The following PTPRD variants were observed in gnomAD, a reference collection of about 807,000 sequenced individuals.
PTPRD encodes receptor-type tyrosine-protein phosphatase delta.
A neutral mutation model predicts 214.5 loss-of-function variants in PTPRD; 34 were observed. That is an observed-to-expected ratio of 0.16 (90% CI 0.12 to 0.21). The LOEUF (loss-of-function observed/expected upper bound fraction) is 0.21. PTPRD is among the 10% of genes least tolerant of loss of function. PTPRD has a pLI of 1.00. For missense variants in PTPRD, 2,545 were observed against 2,398.7 expected (o/e 1.06, Z -1.27); for synonymous variants, 1,128 against 845.7 (o/e 1.33, Z -5.79).
intron 10 of PTPRD, among the ~76,000 whole-genome samples, chr9:9,082,651 C>A (rs537453268): frequency 7.2e-5 from 11 of 152,040 alleles, no homozygotes; most frequent in Admixed American, 7.2e-4. Flanking sequence ...TTTAGAAAAC[C>A]CCATCGTATC....
intron 9 of PTPRD, among the ~76,000 whole-genome samples, chr9:9,288,804 G>A (rs1397519050): frequency 1.3e-5 from 2 of 151,938 alleles, no homozygotes; most frequent in African/African-American, 4.8e-5. Flanking sequence ...TAATCATGGG[G>A]GCAGTTACCC....
chr9:9,419,503 G>A (rs1225844980), intron 8 of PTPRD, among the ~76,000 whole-genome samples: 2 of 151,770 alleles, frequency 1.3e-5, no homozygotes, highest in Non-Finnish European at 3.0e-5. Context: ...GGTCCATGAT[G>A]TTGGGAAGGT....
chr9:8,932,020 ATTT>A (rs2098956417), intron 11 of PTPRD, among the ~76,000 whole-genome samples: 1 of 151,964 alleles, frequency 6.6e-6, no homozygotes. Context: ...CTCCTTTATA[ATTT>A]TTTAGTGTGT....
chr9:9,124,691 G>T (rs1322277148), intron 10 of PTPRD, among the ~76,000 whole-genome samples: 1 of 151,992 alleles, frequency 6.6e-6, no homozygotes, highest in Admixed American at 6.6e-5. Flanking sequence ...ATTTCTTTTT[G>T]ACCTCAAATA....
intron 11 of PTPRD, among the ~76,000 whole-genome samples, chr9:8,920,878 A>T (rs971347354): frequency 6.6e-6 from 1 of 152,058 alleles, no homozygotes; most frequent in Admixed American, 6.5e-5. Flanking sequence ...CAGTGGTGCA[A>T]TCTCGGCTCA....
chr9:9,537,879 A>T (rs553685408), intron 8 of PTPRD, among the ~76,000 whole-genome samples: 1 of 151,822 alleles, frequency 6.6e-6, no homozygotes, highest in Admixed American at 6.6e-5. Context: ...GAGCTTATTA[A>T]TTTTTTTCAT....
intron 9 of PTPRD, among the ~76,000 whole-genome samples, chr9:9,309,254 C>G (rs1444973645): frequency 6.6e-6 from 1 of 150,746 alleles, no homozygotes; most frequent in Non-Finnish European, 1.5e-5. Flanking sequence ...TCTCCCCTAT[C>G]TCAAACTCAG....
At chr9:10,511,181 G>A (rs1260033577) in intron 2 of PTPRD, among the ~76,000 whole-genome samples, 1 of 152,162 alleles carries the variant, frequency 6.6e-6, no homozygotes, top group Admixed American at 6.5e-5. Context: ...GTCGAAGTAT[G>A]TGTGAGTTAT....
intron 8 of PTPRD, among the ~76,000 whole-genome samples, chr9:9,518,749 A>T (rs1337608057): frequency 6.6e-6 from 1 of 151,712 alleles, no homozygotes. Context: ...TGGACAAGGC[A>T]GCACAGTAGA....
chr9:9,021,117 A>G (rs370583365), intron 10 of PTPRD, among the ~76,000 whole-genome samples: 372 of 152,294 alleles, frequency 2.4e-3, no homozygotes, highest in African/African-American at 8.3e-3. Context: ...GGTATTTTAA[A>G]TCACTTCATC....
chr9:8,735,266 C>T (rs2089976190), intron 11 of PTPRD, among the ~76,000 whole-genome samples: 1 of 151,352 alleles, frequency 6.6e-6, no homozygotes, highest in South Asian at 2.1e-4. Flanking sequence ...GTCTCAGCCA[C>T]CCAAGTAGCT....
intron 5 of PTPRD, among the ~76,000 whole-genome samples, chr9:9,780,028 T>G (rs2098830709): frequency 6.6e-6 from 1 of 152,212 alleles, no homozygotes; most frequent in South Asian, 2.1e-4. Context: ...ATCAGTGGAT[T>G]GGATTTCTTT....
intron 8 of PTPRD, among the ~76,000 whole-genome samples, chr9:9,421,486 T>G (rs1387912741): frequency 6.6e-6 from 1 of 152,130 alleles, no homozygotes; most frequent in South Asian, 2.1e-4. Context: ...AATGTCTTTG[T>G]GTGCCTCACC....
At chr9:10,582,795 G>A (rs904265502) in intron 2 of PTPRD, among the ~76,000 whole-genome samples, 8 of 152,172 alleles carry the variant, frequency 5.3e-5, no homozygotes, top group African/African-American at 1.9e-4. Flanking sequence ...TAAATACTGT[G>A]CAGAAGTAAT....
intron 5 of PTPRD, among the ~76,000 whole-genome samples, chr9:9,785,757 T>A (rs1175908367): frequency 1.3e-5 from 2 of 152,142 alleles, no homozygotes; most frequent in Non-Finnish European, 2.9e-5. Flanking sequence ...GTACCAGTGT[T>A]AATTATACAA....
intron 3 of PTPRD, among the ~76,000 whole-genome samples, chr9:10,122,181 G>T (rs2098781293): frequency 6.6e-6 from 1 of 152,062 alleles, no homozygotes; most frequent in South Asian, 2.1e-4. Flanking sequence ...GGTGGTGCTT[G>T]CCTGTAATCC....
chr9:9,414,647 A>G (rs997178688), intron 8 of PTPRD: 2 of 152,210 alleles, frequency 1.3e-5, no homozygotes, highest in Non-Finnish European at 2.9e-5. Flanking sequence ...TAGAACCATC[A>G]TATCAAATTA....
chr9:10,043,036 C>A (rs1465045840), intron 3 of PTPRD, among the ~76,000 whole-genome samples: 4 of 151,994 alleles, frequency 2.6e-5, no homozygotes, highest in South Asian at 4.1e-4. Flanking sequence ...CAAATGTAGT[C>A]ATTCATTGGA....
intron 8 of PTPRD, among the ~76,000 whole-genome samples, chr9:9,506,407 T>TACC (rs1326501252): frequency 6.6e-6 from 1 of 151,416 alleles, no homozygotes; most frequent in Non-Finnish European, 1.5e-5. Flanking sequence ...ATATCTTACT[T>TACC]CTTGGAGATT....
Sources: allele counts gnomAD v4.1 joint callset (sites outside exome capture counted in the v4.1 genomes callset), GRCh38; gene constraint gnomAD v4.1.1; transcripts MANE v1.5; gene names NCBI Gene and HGNC (gene_info 2026-07-23, HGNC 2026-07-21).